DLGAP1: variants seen among roughly 807,000 people sequenced by gnomAD.
DLGAP1 encodes the protein disks large-associated protein 1.
In DLGAP1, 11 loss-of-function variants were observed where a neutral mutation model predicts 90.8. The observed-to-expected ratio is 0.12, with a 90% CI of 0.08 to 0.20. The LOEUF is 0.20. Ranked by LOEUF, DLGAP1 falls within the 10% of genes least tolerant of loss-of-function variation. The probability of loss-of-function intolerance (pLI) is 1.00; values close to 1 mark genes in which losing one functional copy is unlikely to be tolerated. For synonymous variants in DLGAP1, 558 were observed against 540.7 expected (o/e 1.03, Z -0.44); for missense variants, 1,050 against 1,333.8 (o/e 0.79, Z 3.31).
chr18:3,890,805 T>C (rs1428094188), intron 3 of DLGAP1, among the ~76,000 whole-genome samples: 5 of 152,194 alleles, frequency 3.3e-5, no homozygotes, highest in Non-Finnish European at 7.3e-5. Context: ...CATGGCTCAC[T>C]GCAGACTTGA....
chr18:3,786,856 C>T (rs938675728), intron 5 of DLGAP1, among the ~76,000 whole-genome samples: 22 of 152,102 alleles, frequency 1.4e-4, no homozygotes, highest in East Asian at 1.9e-4. Context: ...GTATTAATGA[C>T]GAACTCTGGC....
chr18:4,224,692 C>G (rs1378459227), intron 1 of DLGAP1, among the ~76,000 whole-genome samples: 1 of 150,644 alleles, frequency 6.6e-6, no homozygotes, highest in African/African-American at 2.4e-5. Context: ...AATAGAGCAC[C>G]AGGTAGGTTC....
intron 1 of DLGAP1, among the ~76,000 whole-genome samples, chr18:4,403,673 C>T (rs766878632): frequency 1.3e-5 from 2 of 151,976 alleles, no homozygotes; most frequent in Non-Finnish European, 2.9e-5. Flanking sequence ...GAAATTTGTT[C>T]CTATGTGCAT....
At chr18:3,882,277 C>T (rs896155629) in intron 3 of DLGAP1, among the ~76,000 whole-genome samples, 3 of 151,984 alleles carry the variant, frequency 2.0e-5, no homozygotes. Context: ...TGGCTGACGC[C>T]TGTAATCCCA....
chr18:4,344,433 T>C (rs1233152165), intron 1 of DLGAP1, among the ~76,000 whole-genome samples: 1 of 152,184 alleles, frequency 6.6e-6, no homozygotes, highest in Non-Finnish European at 1.5e-5. Flanking sequence ...AAATCCACTC[T>C]TGAAAATAAT....
chr18:4,449,299 ATT>A (rs2083755607), intron 1 of DLGAP1, among the ~76,000 whole-genome samples: 1 of 152,192 alleles, frequency 6.6e-6, no homozygotes, highest in African/African-American at 2.4e-5. Context: ...TCCTTATTGT[ATT>A]TCAAAACCTT....
intron 3 of DLGAP1, among the ~76,000 whole-genome samples, chr18:3,903,869 A>C (rs537206946): frequency 6.6e-6 from 1 of 152,364 alleles, no homozygotes; most frequent in South Asian, 2.1e-4. Flanking sequence ...TGGCAAAGGC[A>C]GCAATGTTAG....
intron 2 of DLGAP1, among the ~76,000 whole-genome samples, chr18:4,034,895 A>G (rs2149136303): frequency 6.6e-6 from 1 of 151,566 alleles, no homozygotes; most frequent in African/African-American, 2.4e-5. Flanking sequence ...ACTAAATGCT[A>G]ATTCTTACCA....
At chr18:4,347,179 T>C (rs1198867289) in intron 1 of DLGAP1, among the ~76,000 whole-genome samples, 1 of 152,018 alleles carries the variant, frequency 6.6e-6, no homozygotes, top group East Asian at 1.9e-4. Context: ...GAGATCAATT[T>C]CCATACAAGA....
intron 1 of DLGAP1, among the ~76,000 whole-genome samples, chr18:4,174,096 A>T (rs562965244): frequency 3.0e-4 from 46 of 152,200 alleles, no homozygotes; most frequent in African/African-American, 1.1e-3. Flanking sequence ...GTTTTCTGGA[A>T]TGCTAATTGG....
intron 1 of DLGAP1, among the ~76,000 whole-genome samples, chr18:4,321,804 C>T (rs8096500): frequency 0.026 from 3,885 of 152,210 alleles, 164 homozygotes; most frequent in African/African-American, 0.087. Flanking sequence ...TAAGCGTACA[C>T]CTTGAAACAA....
At chr18:4,320,818 T>C (rs2080667841) in intron 1 of DLGAP1, among the ~76,000 whole-genome samples, 2 of 152,046 alleles carry the variant, frequency 1.3e-5, no homozygotes, top group Admixed American at 1.3e-4. Flanking sequence ...TTCACAATTC[T>C]GAGACGTTTA....
At chr18:3,897,961 AT>A (rs1331202373) in intron 3 of DLGAP1, among the ~76,000 whole-genome samples, 4 of 150,830 alleles carry the variant, frequency 2.7e-5, no homozygotes, top group Non-Finnish European at 5.9e-5. Context: ...CGCCCGGCTA[AT>A]TTTTTGTATT....
In DLGAP1 at chr18:3,600,947, TATAGATATATATAGATATATAG is replaced by T. The variant is rs200578448; in HGVS notation, c.1592-18721_1592-18700del. ...ATATATATAGATATATAGATAGATA[TATAGATATATATAGATATATAG>T]ATAGATATATAGATATAGATATATA... On this transcript the variant is annotated intron_variant, in intron 7 of 12. Coordinates refer to ENST00000315677, the MANE Select transcript of DLGAP1 (RefSeq NM_004746.4). Among the ~76,000 whole-genome samples the T allele has an allele frequency of 4.4e-4, 36 of 81,052 alleles. 2 individuals are homozygous for T. The highest frequency in any genetic ancestry group is 1.7e-3 in the African/African-American group (36 of 21,296). 53.2% of individuals were successfully genotyped at this position (81,052 alleles called of 152,430 possible).
At chr18:4,063,484 C>A (rs983562086) in intron 2 of DLGAP1, among the ~76,000 whole-genome samples, 56 of 152,056 alleles carry the variant, frequency 3.7e-4, no homozygotes, top group African/African-American at 1.3e-3. Flanking sequence ...TATTTTGAAA[C>A]AGCTATTGGT....
At chr18:3,955,715 A>C (rs1406865850) in intron 3 of DLGAP1, among the ~76,000 whole-genome samples, 10 of 145,050 alleles carry the variant, frequency 6.9e-5, no homozygotes, top group Admixed American at 2.1e-4. Context: ...ACTCCGTCTC[A>C]AAAAAAAAAA....
At chr18:3,507,194 A>G (rs140472101) in intron 11 of DLGAP1, among the ~76,000 whole-genome samples, 378 of 152,218 alleles carry the variant, frequency 2.5e-3, no homozygotes, top group Non-Finnish European at 4.0e-3. Flanking sequence ...AAGTGGTTAA[A>G]ACTCCAAAAC....
At position 3,651,839 on chromosome 18, in the gene DLGAP1, C is replaced by T. The variant is rs188581814; in HGVS notation, c.1592-69591G>A. Among the ~76,000 whole-genome samples, 228 of 152,038 alleles carry T rather than the reference C, an allele frequency of 1.5e-3. 2 individuals carry two copies. The Middle Eastern group carries it at 0.017, about 11-fold the overall frequency. ...AATACAAAATAGCCGGGCGTGGTGGCGGGCACCTGTAATCCCAGCTACTCG... is the reference window on the plus strand; with the variant it reads ...AATACAAAATAGCCGGGCGTGGTGGTGGGCACCTGTAATCCCAGCTACTCG... On this transcript the variant is annotated intron_variant, in intron 7 of 12. Transcript: ENST00000315677.
In DLGAP1 at chr18:4,046,185, G is replaced by A. The variant is rs1025867123; in HGVS notation, c.-158-40984C>T. ...GTTTCCAATTCTGATGAACAAAATCGTGCAGTTTTTTGGCCAAAATTCACT... is the reference window on the plus strand; with the variant it reads ...GTTTCCAATTCTGATGAACAAAATCATGCAGTTTTTTGGCCAAAATTCACT... On this transcript the variant is annotated intron_variant, in intron 2 of 12. Transcript: ENST00000315677. Among the ~76,000 whole-genome samples, 9 of 152,202 alleles carry A rather than the reference G, an allele frequency of 5.9e-5. No individual in the cohort carries two copies. The South Asian group carries it at 1.5e-3, about 25-fold the overall frequency.
Sources: allele counts gnomAD v4.1 joint callset (sites outside exome capture counted in the v4.1 genomes callset), GRCh38; gene constraint gnomAD v4.1.1; transcripts MANE v1.5; gene names NCBI Gene and HGNC (gene_info 2026-07-23, HGNC 2026-07-21).